MAGI1: variants seen among roughly 807,000 people sequenced by gnomAD.
MAGI1 encodes membrane-associated guanylate kinase, WW and PDZ domain-containing protein 1.
A neutral mutation model predicts 139.9 loss-of-function variants in MAGI1; 58 were observed. That is an observed-to-expected ratio of 0.41 (90% CI 0.34 to 0.52). The LOEUF (loss-of-function observed/expected upper bound fraction) is 0.52. Ranked by LOEUF, MAGI1 falls within the 20% of genes least tolerant of loss-of-function variation. The pLI, the probability that MAGI1 is intolerant of heterozygous loss-of-function variation, is 0.12. For missense variants in MAGI1, 1,874 were observed against 1,901.6 expected, an observed-to-expected ratio of 0.99 and a Z score of 0.27; for synonymous variants, 812 against 737.9, an observed-to-expected ratio of 1.10 and a Z score of -1.63.
chr3:65,584,845 T>C (rs2081601704), intron 2 of MAGI1, among the ~76,000 whole-genome samples: 1 of 152,186 alleles, frequency 6.6e-6, no homozygotes, highest in Non-Finnish European at 1.5e-5. Flanking sequence ...ATTCGACCAG[T>C]TCATTTAAAT....
chr3:65,881,307 G>C (rs146064627), intron 1 of MAGI1, among the ~76,000 whole-genome samples: 44 of 152,198 alleles, frequency 2.9e-4, no homozygotes, highest in Non-Finnish European at 5.1e-4. Context: ...ATAAATATCT[G>C]ATCAATGCAT....
At chr3:65,357,827 G>A (rs1940350715) in intron 22 of MAGI1, among the ~76,000 whole-genome samples, 3 of 152,142 alleles carry the variant, frequency 2.0e-5, no homozygotes, top group Admixed American at 2.0e-4. Context: ...AGATGTTGAC[G>A]ACTGGCAAAT....
chr3:65,776,081 A>T (rs771329204), intron 1 of MAGI1, among the ~76,000 whole-genome samples: 5 of 152,204 alleles, frequency 3.3e-5, no homozygotes, highest in Non-Finnish European at 5.9e-5. Context: ...AATTACTATA[A>T]GAATTTTTTG....
intron 1 of MAGI1, among the ~76,000 whole-genome samples, chr3:66,017,047 T>C (rs778810476): frequency 2.0e-4 from 30 of 152,304 alleles, no homozygotes; most frequent in Non-Finnish European, 3.2e-4. Context: ...GTTCTGGAGA[T>C]GGATGGTGGT....
chr3:65,903,997 G>A (rs944690860), intron 1 of MAGI1, among the ~76,000 whole-genome samples: 2 of 150,784 alleles, frequency 1.3e-5, no homozygotes, highest in African/African-American at 4.9e-5. Flanking sequence ...GACAGAGCAA[G>A]ACTCTTTCTC....
At chr3:65,777,107 G>A (rs896385469) in intron 1 of MAGI1, among the ~76,000 whole-genome samples, 3 of 152,180 alleles carry the variant, frequency 2.0e-5, no homozygotes, top group Admixed American at 2.0e-4. Flanking sequence ...AAGAATGTAT[G>A]AACAAAACGC....
intron 1 of MAGI1, among the ~76,000 whole-genome samples, chr3:65,746,119 T>C (rs1427696751): frequency 6.6e-6 from 1 of 152,174 alleles, no homozygotes; most frequent in Non-Finnish European, 1.5e-5. Context: ...CACTGCAACC[T>C]CTGCCTCCCA....
rs1442209747 is a variant in MAGI1 at position 65,578,947 on chromosome 3, C to CAG, written c.430+43023_430+43024dup. Among the ~76,000 whole-genome samples, 726 of 128,292 alleles carry CAG rather than the reference C, an allele frequency of 5.7e-3. 6 individuals are homozygous for CAG. The highest frequency in any genetic ancestry group is 0.019 in the African/African-American group (632 of 32,826). 84.2% of individuals were successfully genotyped at this position (128,292 alleles called of 152,430 possible). On this transcript the variant is annotated intron_variant, in intron 2 of 22. Coordinates refer to ENST00000402939, the MANE Select transcript of MAGI1 (RefSeq NM_001033057.2). ...AAAGAGAGAGAGAGAGAGAGAGAGA[C>CAG]AGAGAGAGAGAGAGAGAACGAACAG... is the stretch of plus-strand genomic sequence containing the variant.
At chr3:65,711,814 T>C (rs535245217) in intron 1 of MAGI1, among the ~76,000 whole-genome samples, 3 of 152,314 alleles carry the variant, frequency 2.0e-5, no homozygotes, top group African/African-American at 7.2e-5. Flanking sequence ...CTGGGACTTC[T>C]AGCCTCCAGA....
intron 12 of MAGI1, among the ~76,000 whole-genome samples, chr3:65,410,401 A>C (rs1376827573): frequency 1.3e-5 from 2 of 152,228 alleles, no homozygotes; most frequent in Admixed American, 6.5e-5. Context: ...AATGTCACAC[A>C]GTCAGGTGAA....
intron 1 of MAGI1, among the ~76,000 whole-genome samples, chr3:65,886,215 C>T (rs1185411815): frequency 6.6e-6 from 1 of 152,118 alleles, no homozygotes; most frequent in African/African-American, 2.4e-5. Flanking sequence ...ACCAATTCTG[C>T]ACAGAAAGTT....
intron 2 of MAGI1, among the ~76,000 whole-genome samples, chr3:65,563,333 C>T (rs1271984660): frequency 6.6e-6 from 1 of 152,166 alleles, no homozygotes; most frequent in Non-Finnish European, 1.5e-5. Flanking sequence ...AACTGAACAC[C>T]AGCTTTCAAG....
chr3:65,588,611 T>C (rs1262759966), intron 2 of MAGI1, among the ~76,000 whole-genome samples: 4 of 152,176 alleles, frequency 2.6e-5, no homozygotes, highest in African/African-American at 9.7e-5. Context: ...ATGAGAGGAT[T>C]GAACAGAAAT....
At chr3:65,831,311 G>A (rs2042514024) in intron 1 of MAGI1, among the ~76,000 whole-genome samples, 1 of 152,140 alleles carries the variant, frequency 6.6e-6, no homozygotes, top group African/African-American at 2.4e-5. Context: ...AGGGCCACCT[G>A]GCAAAAATTT....
intron 17 of MAGI1, among the ~76,000 whole-genome samples, chr3:65,377,518 C>A (rs1236114305): frequency 6.6e-6 from 1 of 152,190 alleles, no homozygotes; most frequent in Non-Finnish European, 1.5e-5. Context: ...TGCCACTTGA[C>A]ATATTTGCTA....
At chr3:65,563,062 A>G (rs949882864) in intron 2 of MAGI1, among the ~76,000 whole-genome samples, 50 of 152,164 alleles carry the variant, frequency 3.3e-4, no homozygotes, top group African/African-American at 1.2e-3. Flanking sequence ...TAGATTTTTT[A>G]TGACTTCCCT....
chr3:65,459,963 AC>A (rs1949664867), intron 5 of MAGI1, among the ~76,000 whole-genome samples: 1 of 152,176 alleles, frequency 6.6e-6, no homozygotes, highest in African/African-American at 2.4e-5. Flanking sequence ...AGTGGGGACA[AC>A]TGACATCCTT....
intron 2 of MAGI1, among the ~76,000 whole-genome samples, chr3:65,501,568 A>G (rs1428019780): frequency 6.6e-6 from 1 of 152,186 alleles, no homozygotes; most frequent in Non-Finnish European, 1.5e-5. Context: ...ATGCTGGCAA[A>G]AATATGGAGC....
chr3:65,978,114 G>A (rs1292996813), intron 1 of MAGI1, among the ~76,000 whole-genome samples: 6 of 152,184 alleles, frequency 3.9e-5, no homozygotes, highest in Non-Finnish European at 8.8e-5. Flanking sequence ...TATAATAATA[G>A]CAGCTGATCA....
Sources: gnomAD v4.1 joint callset for allele counts (sites outside exome capture counted in the v4.1 genomes callset) on GRCh38, gnomAD v4.1.1 for gene constraint, MANE v1.5 for transcripts, NCBI Gene and HGNC (gene_info 2026-07-23, HGNC 2026-07-21) for gene names.